NRG3: variants seen among roughly 807,000 people sequenced by gnomAD.
NRG3 encodes neuregulin 3, also known as pro-neuregulin-3, membrane-bound isoform.
In NRG3, 31 loss-of-function variants were observed where a neutral mutation model predicts 66.9. That is an observed-to-expected ratio of 0.46 (90% CI 0.35 to 0.63). The LOEUF is 0.63. NRG3 is among the 20% of genes least tolerant of loss of function. NRG3 has a pLI of 0.00. For synonymous variants in NRG3, 393 were observed against 359.4 expected (o/e 1.09, Z -1.06); for missense variants, 910 against 878.9 (o/e 1.04, Z -0.45).
chr10:81,922,164 T>TA, intron 1 of NRG3, among the ~76,000 whole-genome samples: 1 of 152,278 alleles, frequency 6.6e-6, no homozygotes, highest in Admixed American at 6.5e-5. Flanking sequence ...CATCATTTGT[T>TA]AAAAAATTTT....
intron 1 of NRG3, among the ~76,000 whole-genome samples, chr10:82,085,353 G>T (rs1264406393): frequency 6.6e-6 from 1 of 152,154 alleles, no homozygotes; most frequent in Non-Finnish European, 1.5e-5. Context: ...TAAGCAGGGT[G>T]TTGTGGTCTC....
chr10:82,846,877 T>C (rs1000771509), intron 3 of NRG3, among the ~76,000 whole-genome samples: 4 of 152,178 alleles, frequency 2.6e-5, no homozygotes, highest in Admixed American at 6.5e-5. Context: ...ATGAGCGAGA[T>C]TGTGCTTGTG....
chr10:82,593,775 A>G (rs957594642), intron 2 of NRG3, among the ~76,000 whole-genome samples: 1 of 152,040 alleles, frequency 6.6e-6, no homozygotes, highest in Non-Finnish European at 1.5e-5. Flanking sequence ...CAGGTATTAA[A>G]TATTACATAC....
chr10:82,193,220 G>A (rs755844933), intron 1 of NRG3, among the ~76,000 whole-genome samples: 2 of 152,152 alleles, frequency 1.3e-5, no homozygotes, highest in Non-Finnish European at 2.9e-5. Context: ...TTGGCTCACT[G>A]CAACCTCTGT....
chr10:82,196,551 T>C (rs1451348784), intron 1 of NRG3, among the ~76,000 whole-genome samples: 2 of 152,042 alleles, frequency 1.3e-5, no homozygotes, highest in African/African-American at 4.8e-5. Context: ...AAAATATGGA[T>C]AAAAAGATTT....
chr10:82,714,699 GA>G (rs1437915350), intron 2 of NRG3, among the ~76,000 whole-genome samples: 1 of 152,112 alleles, frequency 6.6e-6, no homozygotes, highest in African/African-American at 2.4e-5. Flanking sequence ...AGTCTAACAA[GA>G]AAAACATAGT....
chr10:81,990,889 TAG>T (rs2060713951), intron 1 of NRG3, among the ~76,000 whole-genome samples: 1 of 152,182 alleles, frequency 6.6e-6, no homozygotes, highest in Non-Finnish European at 1.5e-5. Flanking sequence ...TTCTACCTAC[TAG>T]TAAAATGCAA....
intron 1 of NRG3, among the ~76,000 whole-genome samples, chr10:82,206,512 G>A (rs1005521634): frequency 1.3e-5 from 2 of 152,158 alleles, no homozygotes; most frequent in Non-Finnish European, 2.9e-5. Flanking sequence ...TGCAGGAATA[G>A]TAGTGTTATC....
chr10:82,189,918 G>A (rs2074034634), intron 1 of NRG3, among the ~76,000 whole-genome samples: 3 of 151,986 alleles, frequency 2.0e-5, no homozygotes, highest in African/African-American at 4.8e-5. Context: ...AGCTGAGATG[G>A]CATCACTCAA....
At chr10:82,734,726 C>A (rs945680572) in intron 2 of NRG3, among the ~76,000 whole-genome samples, 1 of 152,002 alleles carries the variant, frequency 6.6e-6, no homozygotes, top group Non-Finnish European at 1.5e-5. Context: ...AAGAACTTAC[C>A]GGTTTCCAGG....
At chr10:82,746,040 C>T (rs370242926) in intron 3 of NRG3, among the ~76,000 whole-genome samples, 1 of 152,106 alleles carries the variant, frequency 6.6e-6, no homozygotes, top group African/African-American at 2.4e-5. Context: ...AAATGCCTGC[C>T]ACCACACTCA....
chr10:82,834,413 C>T lies in NRG3; in HGVS notation c.1028-30998C>T, dbSNP rs151121861. Among the ~76,000 whole-genome samples, 386 of 152,262 alleles carry T rather than the reference C, an allele frequency of 2.5e-3. 5 individuals are homozygous for T. The highest frequency in any genetic ancestry group is 8.6e-3 in the African/African-American group (357 of 41,558). ...TCAGCCTTGCTCCCTAGGGGTACTT[C>T]CATGAAGACAGTTGCTTCCTGCCCC... On this transcript the variant is annotated intron_variant, in intron 3 of 8. Coordinates refer to ENST00000372141, the MANE Select transcript of NRG3 (RefSeq NM_001010848.4).
At position 82,077,584 on chromosome 10, in the gene NRG3, G is replaced by C. The variant is rs182665285; in HGVS notation, c.823+201421G>C. Among the ~76,000 whole-genome samples the C allele has an allele frequency of 2.3e-3, 349 of 152,258 alleles. 1 individual carries two copies. Among genetic ancestry groups the C allele is most frequent in the African/African-American group, 7.9e-3 (330 of 41,552 alleles). ...CTTATACTTTCTGGAAGAAGTAGGGGTTGGCACAGGAATGGGAGAGGAAAT... is the reference window on the plus strand; with the variant it reads ...CTTATACTTTCTGGAAGAAGTAGGGCTTGGCACAGGAATGGGAGAGGAAAT... On this transcript the variant is annotated intron_variant, in intron 1 of 8. Transcript: ENST00000372141.
chr10:82,711,673 TTAAG>T (rs2056676579), intron 2 of NRG3, among the ~76,000 whole-genome samples: 1 of 152,076 alleles, frequency 6.6e-6, no homozygotes, highest in Non-Finnish European at 1.5e-5. Context: ...CCAATGCTAC[TTAAG>T]TATTATACTA....
At chr10:82,662,117 C>T (rs1162776117) in intron 2 of NRG3, among the ~76,000 whole-genome samples, 1 of 152,186 alleles carries the variant, frequency 6.6e-6, no homozygotes, top group Non-Finnish European at 1.5e-5. Flanking sequence ...GTGAATAGTT[C>T]TTCTTCTAAA....
chr10:82,076,769 G>A (rs576159493), intron 1 of NRG3, among the ~76,000 whole-genome samples: 2 of 152,286 alleles, frequency 1.3e-5, no homozygotes, highest in East Asian at 3.9e-4. Flanking sequence ...GCTCTCATGA[G>A]AAGCAGACGC....
chr10:82,005,542 G>A (rs1390208529), intron 1 of NRG3, among the ~76,000 whole-genome samples: 1 of 152,092 alleles, frequency 6.6e-6, no homozygotes, highest in Non-Finnish European at 1.5e-5. Context: ...AGGAATATCT[G>A]AATAAAGCAA....
chr10:82,697,396 G>A (rs935654667), intron 2 of NRG3, among the ~76,000 whole-genome samples: 1 of 152,120 alleles, frequency 6.6e-6, no homozygotes, highest in African/African-American at 2.4e-5. Context: ...TATTCCCAAG[G>A]TGATCTCTGG....
Position 81,938,741 on chromosome 10 carries a change from G to A in NRG3, c.823+62578G>A, listed in dbSNP as rs572061880. Among the ~76,000 whole-genome samples the A allele has an allele frequency of 1.3e-4, 20 of 151,930 alleles. No homozygotes were observed. The South Asian group carries it at 3.9e-3, about 30-fold the overall frequency. On this transcript the variant is annotated intron_variant, in intron 1 of 8. Transcript: ENST00000372141. ...CACTTCTTCCTTTTCACCTGTTGGTGCCTTTTAGTTGTTTTTCTTGTCTAA... is the reference window on the plus strand; with the variant it reads ...CACTTCTTCCTTTTCACCTGTTGGTACCTTTTAGTTGTTTTTCTTGTCTAA...
Sources: gnomAD v4.1 joint callset for allele counts (sites outside exome capture counted in the v4.1 genomes callset) on GRCh38, gnomAD v4.1.1 for gene constraint, MANE v1.5 for transcripts, NCBI Gene and HGNC (gene_info 2026-07-23, HGNC 2026-07-21) for gene names.